Variants in CNTN5 observed in about 807,000 individuals in gnomAD.
The protein encoded by CNTN5 is contactin 5.
In CNTN5, 77 loss-of-function variants were observed where a neutral mutation model predicts 129.1. That is an observed-to-expected ratio of 0.60 (90% CI 0.50 to 0.72). The LOEUF (loss-of-function observed/expected upper bound fraction) is 0.72. Among genes scored for constraint, CNTN5 ranks in the 30% least tolerant of loss-of-function variants. CNTN5 has a pLI of 0.00. For missense variants in CNTN5, 1,478 were observed against 1,328.8 expected, an observed-to-expected ratio of 1.11 and a Z score of -1.75; for synonymous variants, 509 against 465.6, an observed-to-expected ratio of 1.09 and a Z score of -1.20.
intron 1 of CNTN5, among the ~76,000 whole-genome samples, chr11:99,192,371 G>A (rs1036023310): frequency 6.6e-6 from 1 of 151,704 alleles, no homozygotes; most frequent in Non-Finnish European, 1.5e-5. Context: ...AAGGTAAACA[G>A]CCAATCATGT....
chr11:99,916,450 G>T (rs1444794042), intron 7 of CNTN5, among the ~76,000 whole-genome samples: 1 of 152,128 alleles, frequency 6.6e-6, no homozygotes, highest in African/African-American at 2.4e-5. Flanking sequence ...TAAACTGAGA[G>T]AATGAAAACT....
intron 6 of CNTN5, among the ~76,000 whole-genome samples, chr11:99,879,876 A>G (rs1324253468): frequency 1.3e-5 from 2 of 152,184 alleles, no homozygotes; most frequent in African/African-American, 4.8e-5. Context: ...CTATGTCCTT[A>G]ACAACTCCAT....
intron 1 of CNTN5, among the ~76,000 whole-genome samples, chr11:99,047,115 A>G (rs936152550): frequency 2.6e-5 from 4 of 152,038 alleles, no homozygotes; most frequent in Non-Finnish European, 4.4e-5. Flanking sequence ...CATTTTAAAC[A>G]TGGCAATGAT....
rs1009049434 is a variant in CNTN5, at chr11:99,655,092, C to T, written c.55+98823C>T. Among the ~76,000 whole-genome samples, 5 of 152,102 alleles carry T rather than the reference C, an allele frequency of 3.3e-5. No homozygotes were observed. In the South Asian group the frequency reaches 8.3e-4, roughly 25 times the overall value. On this transcript the variant is annotated intron_variant, in intron 3 of 24. Transcript: ENST00000524871. ...GCTGTATTCTCATGCAGATCCCATT[C>T]CTCTGTGGGGGTCTTCAAACTGGTA... is the stretch of plus-strand genomic sequence containing the variant.
At chr11:99,487,095 G>A (rs1185668052) in intron 2 of CNTN5, among the ~76,000 whole-genome samples, 1 of 152,212 alleles carries the variant, frequency 6.6e-6, no homozygotes, top group Non-Finnish European at 1.5e-5. Flanking sequence ...AGAAGGTCGA[G>A]AAAGTACCTA....
Position 99,591,933 on chromosome 11 carries a change from G to C in CNTN5, c.55+35664G>C, listed in dbSNP as rs932845244. ...AAAAATCAATATTGAAATTCCAATA[G>C]AGATGGAGAAAAGTAACAATTTTTT... On this transcript the variant is annotated intron_variant, in intron 3 of 24. Coordinates refer to ENST00000524871, the MANE Select transcript of CNTN5 (RefSeq NM_014361.4). Among the ~76,000 whole-genome samples the C allele has an allele frequency of 2.6e-5, 4 of 152,302 alleles. No homozygotes were observed. In the East Asian group the frequency reaches 7.7e-4, roughly 29 times the overall value.
intron 3 of CNTN5, among the ~76,000 whole-genome samples, chr11:99,750,020 G>A (rs1243454391): frequency 6.6e-6 from 1 of 152,168 alleles, no homozygotes; most frequent in Non-Finnish European, 1.5e-5. Context: ...AAAACCAAAA[G>A]TGAACTACAG....
intron 18 of CNTN5, among the ~76,000 whole-genome samples, chr11:100,280,614 G>A (rs1011134967): frequency 1.3e-4 from 20 of 152,068 alleles, no homozygotes; most frequent in African/African-American, 3.9e-4. Flanking sequence ...AGGTTATTGC[G>A]TATTATTTTT....
At chr11:100,200,389 A>G (rs889606302) in intron 15 of CNTN5, among the ~76,000 whole-genome samples, 10 of 151,990 alleles carry the variant, frequency 6.6e-5, no homozygotes, top group Non-Finnish European at 8.8e-5. Context: ...TTGTTCATCT[A>G]AATATAATCT....
intron 2 of CNTN5, among the ~76,000 whole-genome samples, chr11:99,440,390 T>A (rs1943778319): frequency 6.8e-6 from 1 of 147,102 alleles, no homozygotes; most frequent in Non-Finnish European, 1.5e-5. Context: ...GTTTATTTGA[T>A]TTGACCTCCT....
intron 1 of CNTN5, among the ~76,000 whole-genome samples, chr11:99,119,075 A>G (rs1858180536): frequency 6.6e-6 from 1 of 152,146 alleles, no homozygotes; most frequent in South Asian, 2.1e-4. Context: ...GATTAAATCC[A>G]TTAGTTCAAG....
chr11:99,983,341 AGTGTT>A (rs1168024846), intron 8 of CNTN5, among the ~76,000 whole-genome samples: 1 of 152,144 alleles, frequency 6.6e-6, no homozygotes, highest in African/African-American at 2.4e-5. Context: ...AGTGGAGAAA[AGTGTT>A]GTGTAGCTAA....
intron 2 of CNTN5, among the ~76,000 whole-genome samples, chr11:99,463,459 AC>A (rs371269798): frequency 1.3e-5 from 2 of 150,796 alleles, no homozygotes; most frequent in African/African-American, 2.4e-5. Context: ...AAAAAAAAAA[AC>A]AATAGAAGAA....
chr11:100,210,098 G>C (rs578126586), intron 15 of CNTN5, among the ~76,000 whole-genome samples: 1 of 151,378 alleles, frequency 6.6e-6, no homozygotes, highest in East Asian at 1.9e-4. Context: ...CATTTTCAGA[G>C]GCCGGGGCCA....
chr11:99,943,615 A>G (rs1180167735), intron 7 of CNTN5, among the ~76,000 whole-genome samples: 6 of 152,010 alleles, frequency 3.9e-5, no homozygotes, highest in Admixed American at 3.3e-4. Context: ...GCCCATGCCT[A>G]TGTCCTGAAT....
intron 21 of CNTN5, chr11:100,309,323 T>C: frequency 1.0e-6 from 1 of 983,748 alleles, no homozygotes; most frequent in Non-Finnish European, 1.2e-6. Context: ...GTTTCCAGGC[T>C]GAAACATATT....
At chr11:99,638,171 G>C (rs760512576) in intron 3 of CNTN5, among the ~76,000 whole-genome samples, 1 of 152,088 alleles carries the variant, frequency 6.6e-6, no homozygotes, top group African/African-American at 2.4e-5. Context: ...TGTACATGGT[G>C]GTGGCAAGAG....
At chr11:100,085,236 G>T (rs1191697922) in intron 13 of CNTN5, among the ~76,000 whole-genome samples, 1 of 151,984 alleles carries the variant, frequency 6.6e-6, no homozygotes, top group Non-Finnish European at 1.5e-5. Flanking sequence ...GGAGATCCAG[G>T]ATGAATTGAA....
intron 3 of CNTN5, among the ~76,000 whole-genome samples, chr11:99,768,166 C>T (rs934138463): frequency 6.6e-6 from 1 of 152,026 alleles, no homozygotes; most frequent in Non-Finnish European, 1.5e-5. Flanking sequence ...GATTTAGATT[C>T]ACCAGTTATT....
Sources: gnomAD v4.1 joint callset for allele counts (sites outside exome capture counted in the v4.1 genomes callset) on GRCh38, gnomAD v4.1.1 for gene constraint, MANE v1.5 for transcripts, NCBI Gene and HGNC (gene_info 2026-07-23, HGNC 2026-07-21) for gene names.